ABCA4: variants seen among roughly 807,000 people sequenced by gnomAD.
The protein encoded by ABCA4 is retinal-specific phospholipid-transporting ATPase ABCA4.
A neutral mutation model predicts 263.7 loss-of-function variants in ABCA4; 196 were observed. That is an observed-to-expected ratio of 0.74 (90% confidence interval 0.66 to 0.84). The LOEUF (loss-of-function observed/expected upper bound fraction) is 0.84, where lower values mean the gene tolerates loss of function less well. Ranked by LOEUF, ABCA4 falls within the 40% of genes least tolerant of loss-of-function variation. The pLI, the probability that ABCA4 is intolerant of heterozygous loss-of-function variation, is 0.00. For missense variants in ABCA4, 2,792 were observed against 2,855.1 expected (o/e 0.98, Z 0.50); for synonymous variants, 1,133 against 1,094.2 (o/e 1.04, Z -0.70).
rs145614671 is a variant in ABCA4, at chr1:94,077,784, C to T, written c.1460G>A (p.Arg487Gln). 2.2e-5 allele frequency: 36 copies of T among 1,614,034 alleles called. No individual in the cohort carries two copies. The South Asian group carries it at 2.5e-4, about 11-fold the overall frequency. The change falls in exon 11 of 50, where the codon CGG becomes CAG. Residue 487 changes from arginine (R) to glutamine (Q), a missense_variant. Coordinates refer to ENST00000370225, the MANE Select transcript of ABCA4 (RefSeq NM_000350.3). ...AILNFLYKGPRESQADDMANF... is the reference protein window; with the variant it reads ...AILNFLYKGPQESQADDMANF... Reference sequence around the variant, plus strand: ...GGCCATGTCGTCAGCCTGGCTTTCCCGAGGGCCCTTGTAGAGGAAGTTTAG... The same window carrying T: ...GGCCATGTCGTCAGCCTGGCTTTCCTGAGGGCCCTTGTAGAGGAAGTTTAG...
In ABCA4 at chr1:94,114,040, AT is replaced by A. The variant is rs775041380; in HGVS notation, c.67-975del. On this transcript the variant is annotated intron_variant, in intron 1 of 49. Transcript: ENST00000370225. ...TCCAGGGACCTTAGGAAGGAAACAC[AT>A]AAGATCTGAAGGAGATCTGAAGCAG... Among the ~76,000 whole-genome samples, 6 of 152,240 alleles carry A rather than the reference AT, an allele frequency of 3.9e-5. No homozygotes were observed. The East Asian group carries it at 9.6e-4, about 24-fold the overall frequency.
chr1:94,032,081 C>T, intron 26 of ABCA4, 38 bp from the exon 27 acceptor site: 1 of 1,602,292 alleles, frequency 6.2e-7, no homozygotes, highest in Non-Finnish European at 8.5e-7. Context: ...TGGAAAATGC[C>T]TATAAGGTCT....
chr1:94,112,883 T>TC, intron 2 of ABCA4, 90 bp downstream of exon 2: 1 of 906,834 alleles, frequency 1.1e-6, no homozygotes, highest in Non-Finnish European at 1.9e-6. Context: ...GCAGATCTGA[T>TC]CCCCACACTC....
In ABCA4 at chr1:94,008,880, A is replaced by G; in HGVS notation, c.5715-9T>C. 1 of 1,611,838 alleles carries G rather than the reference A, an allele frequency of 6.2e-7. No homozygotes were observed. Among genetic ancestry groups the G allele is most frequent in the Non-Finnish European group, 8.5e-7 (1 of 1,179,870 alleles). On this transcript the variant is annotated splice_polypyrimidine_tract_variant and intron_variant, in intron 40 of 49. Transcript: ENST00000370225. ...TAGTGGGCTCGGCAATCCTAGATGA[A>G]GAAAAGGGGTCAGGATTGGGCTGGC...
chr1:94,011,269 G>A lies in ABCA4; in HGVS notation c.5577C>T (p.Ala1859=), dbSNP rs375790639. 3 of 1,613,938 alleles carry A rather than the reference G, an allele frequency of 1.9e-6. No homozygotes were observed. The highest frequency in any genetic ancestry group is 2.5e-6 in the Non-Finnish European group (3 of 1,180,030). Residue 1859 remains alanine (A), a synonymous_variant, in exon 39 of 50, where the codon GCC becomes GCT. Transcript: ENST00000370225. ...GCCTCGGCTACCACCCACCAAACCGGGCATAGACATCTGTCACAGCCTGGC... is the reference window on the plus strand; with the variant it reads ...GCCTCGGCTACCACCCACCAAACCGAGCATAGACATCTGTCACAGCCTGGC... ...ALSQAVTDVY[A]RFGEEHSANP...
In ABCA4 at chr1:94,002,678, C is replaced by T. The variant is rs74102057; in HGVS notation, c.6148-686G>A. Among the ~76,000 whole-genome samples, 19,563 of 152,094 alleles carry T rather than the reference C, an allele frequency of 0.13. 2,112 individuals are homozygous for T. Among genetic ancestry groups the T allele is most frequent in the African/African-American group, 0.3 (12,271 of 41,436 alleles). On this transcript the variant is annotated intron_variant, in intron 44 of 49. Transcript: ENST00000370225. ...GTCCCCCGTGCCTGGAATGTTCCTC[C>T]CTAGGTGTGCACGTGGCTCCTTCTC...
At chr1:94,102,714 A>G (rs1662315823) in intron 5 of ABCA4, among the ~76,000 whole-genome samples, 3 of 152,128 alleles carry the variant, frequency 2.0e-5, no homozygotes, top group Non-Finnish European at 4.4e-5. Flanking sequence ...AAATGAATAG[A>G]TTTCTGTTTC....
intron 7 of ABCA4, among the ~76,000 whole-genome samples, chr1:94,082,784 TC>T (rs1267194187): frequency 6.6e-6 from 1 of 152,196 alleles, no homozygotes; most frequent in Non-Finnish European, 1.5e-5. Flanking sequence ...CATCATCATA[TC>T]CCCAGCACCT....
At chr1:94,118,464 AC>A (rs1662860554) in intron 1 of ABCA4, among the ~76,000 whole-genome samples, 3 of 152,184 alleles carry the variant, frequency 2.0e-5, no homozygotes, top group East Asian at 3.9e-4. Flanking sequence ...TCTTAGAGGG[AC>A]CATCTTCTAG....
At chr1:94,072,883 T>C (rs1319777467) in intron 11 of ABCA4, among the ~76,000 whole-genome samples, 2 of 152,114 alleles carry the variant, frequency 1.3e-5, no homozygotes, top group African/African-American at 2.4e-5. Flanking sequence ...AATGTATTTA[T>C]GGGGTGAATG....
chr1:94,001,984 G>T lies in ABCA4; in HGVS notation c.6156C>A (p.Asn2052Lys), dbSNP rs761879757. 8 of 1,614,066 alleles carry T rather than the reference G, an allele frequency of 5.0e-6. No individual in the cohort carries two copies. In the Admixed American group the frequency reaches 1.2e-4, roughly 24 times the overall value. Reference protein sequence around the residue: ...VPAEEIEKVANWSIKSLGLTV... With the variant: ...VPAEEIEKVAKWSIKSLGLTV... ...TCAGGCCCAGGCTCTTAATACTCCA[G>T]TTTGCAACCTAGGGAAGAGAAAGAA... The change falls in exon 45 of 50, where the codon AAC becomes AAA. Residue 2052 changes from asparagine to lysine, a missense_variant. By Grantham distance (94) the Asn-to-Lys change is moderately conservative. Coordinates refer to ENST00000370225, the MANE Select transcript of ABCA4 (RefSeq NM_000350.3).
Position 94,005,472 on chromosome 1 carries a change from A to G in ABCA4, c.6116T>C (p.Leu2039Pro). 6.2e-7 allele frequency: 1 copy of G among 1,614,194 alleles called. No individual in the cohort carries two copies. The highest frequency in any genetic ancestry group is 2.2e-5 in the East Asian group (1 of 44,884). ...GREHLYLYAR[L>P]RGVPAEEIEK... ...GATTTCTTCTGCTGGTACACCTCGA[A>G]GCCGGGCATAAAGGTAAAGATGTTC... The change falls in exon 44 of 50, where the codon CTT becomes CCT. Residue 2039 changes from leucine to proline, a missense_variant. Leu to Pro is a moderately conservative substitution (Grantham distance 98). Transcript: ENST00000370225.
At position 94,039,925 on chromosome 1, in the gene ABCA4, T is replaced by G. The variant is rs540442355; in HGVS notation, c.3607+118A>C. On this transcript the variant is annotated intron_variant, in intron 24 of 49. Coordinates refer to ENST00000370225, the MANE Select transcript of ABCA4 (RefSeq NM_000350.3). Reference sequence around the variant, plus strand: ...AAAGCAAAAGAACAACTGTGTGACCTGCAGAAGTACCCAGTGTTCTCTTTG... The same window carrying G: ...AAAGCAAAAGAACAACTGTGTGACCGGCAGAAGTACCCAGTGTTCTCTTTG... 7.2e-6 allele frequency: 6 copies of G among 835,086 alleles called. No individual in the cohort carries two copies. The African/African-American group carries it at 8.4e-5, about 12-fold the overall frequency. 51.7% of individuals were successfully genotyped at this position (835,086 alleles called of 1,614,324 possible). A position where few individuals can be genotyped will look rare whatever the true frequency, so the allele number is the denominator to read the frequency against.
chr1:94,098,991 A>T lies in ABCA4; in HGVS notation c.571T>A (p.Phe191Ile), dbSNP rs200696846. Residue 191 changes from phenylalanine (F) to isoleucine (I), a missense_variant and splice_region_variant, in exon 6 of 50, where the codon TTC becomes ATC. Phe to Ile is a conservative substitution (Grantham distance 21). Coordinates refer to ENST00000370225, the MANE Select transcript of ABCA4 (RefSeq NM_000350.3). The part of the protein sequence containing the change: ...LINSQVRPEQ[F>I]AHGVPDLALK... ...GCCAGGTCCGGGACTCCATGAGCGA[A>T]CTGCAGGGAGAAGAGGCAACACTAG... The T allele has an allele frequency of 9.3e-6, 15 of 1,605,408 alleles. No homozygotes were observed. The African/African-American group carries it at 1.5e-4, about 16-fold the overall frequency.
At chr1:94,028,930 A>AAAC (rs35998587) in intron 30 of ABCA4, among the ~76,000 whole-genome samples, 31,851 of 106,964 alleles carry the variant, frequency 0.3, 6,146 homozygotes, top group Non-Finnish European at 0.32. Flanking sequence ...AAAAAAAAAA[A>AAAC]GAAATTCAAA....
chr1:94,052,924 T>C (rs1215423017), intron 16 of ABCA4, among the ~76,000 whole-genome samples: 1 of 152,210 alleles, frequency 6.6e-6, no homozygotes, highest in Non-Finnish European at 1.5e-5. Context: ...AGCCCCAAGA[T>C]AGCTGCAGTT....
chr1:93,993,278 G>A, intron 49 of ABCA4, 36 bp from the exon 50 acceptor site: 1 of 1,613,612 alleles, frequency 6.2e-7, no homozygotes, highest in Non-Finnish European at 8.5e-7. Flanking sequence ...GCGTCATCTT[G>A]GTTTTCTGAG....
At chr1:94,012,253 T>C (rs1659568783) in intron 38 of ABCA4, among the ~76,000 whole-genome samples, 1 of 152,220 alleles carries the variant, frequency 6.6e-6, no homozygotes, top group South Asian at 2.1e-4. Context: ...GGAATCACTG[T>C]GCTCTTTGGC....
Position 94,120,996 on chromosome 1 carries a change from A to G in ABCA4, c.50T>C (p.Leu17Pro), listed in dbSNP as rs1322362097. ...IQLLLWKNWT[L>P]RKRQKIRFVV... is the part of the protein sequence containing the mutation. ...AACTGTTACCTTTTGCCTTTTCCGC[A>G]GGGTCCAGTTCTTCCAGAGCAAAAG... The change falls in exon 1 of 50, where the codon CTG (leucine) becomes CCG (proline). Residue 17 changes from leucine to proline, a missense_variant. Coordinates refer to ENST00000370225, the MANE Select transcript of ABCA4 (RefSeq NM_000350.3). 6.2e-7 allele frequency: 1 copy of G among 1,605,582 alleles called. No individual in the cohort carries two copies. Among genetic ancestry groups the G allele is most frequent in the Non-Finnish European group, 8.5e-7 (1 of 1,176,082 alleles).
Sources: gnomAD v4.1 joint callset for allele counts (sites outside exome capture counted in the v4.1 genomes callset) on GRCh38, gnomAD v4.1.1 for gene constraint, MANE v1.5 for transcripts, NCBI Gene and HGNC (gene_info 2026-07-23, HGNC 2026-07-21) for gene names.